CDH17: variants seen among roughly 807,000 people sequenced by gnomAD.
The protein encoded by CDH17 is cadherin 17.
A neutral mutation model predicts 86.3 loss-of-function variants in CDH17; 67 were observed. The ratio of observed to expected loss-of-function variants is 0.78; its 90% CI spans 0.64 to 0.95. The LOEUF (loss-of-function observed/expected upper bound fraction) is 0.95, where lower values mean the gene tolerates loss of function less well. Among genes scored for constraint, CDH17 ranks in the 40% least tolerant of loss-of-function variants. CDH17 has a pLI of 0.00. For missense variants in CDH17, 993 were observed against 1,017.6 expected (o/e 0.98, Z 0.33); for synonymous variants, 367 against 366.4 (o/e 1.00, Z -0.02).
chr8:94,183,110 T>C (rs1813513378), intron 3 of CDH17, among the ~76,000 whole-genome samples: 1 of 152,058 alleles, frequency 6.6e-6, no homozygotes, highest in Non-Finnish European at 1.5e-5. Context: ...TTAAACAAGT[T>C]CTAAATAAAT....
At chr8:94,165,463 G>A (rs886903082) in intron 10 of CDH17, among the ~76,000 whole-genome samples, 3 of 152,018 alleles carry the variant, frequency 2.0e-5, no homozygotes, top group African/African-American at 7.2e-5. Context: ...AGCCTTCTTT[G>A]TGCCCTTCCG....
At chr8:94,176,484 C>T in intron 5 of CDH17, 57 bp downstream of exon 5, 2 of 1,592,074 alleles carry the variant, frequency 1.3e-6, no homozygotes, top group East Asian at 4.5e-5. Context: ...CAAGTCTGCC[C>T]CTTCCACCTG....
chr8:94,196,785 A>G (rs1813793315), intron 1 of CDH17, among the ~76,000 whole-genome samples: 1 of 152,202 alleles, frequency 6.6e-6, no homozygotes, highest in African/African-American at 2.4e-5. Flanking sequence ...CAGCTCGGCC[A>G]ATAGGAAAAG....
chr8:94,204,801 C>T (rs920493526), intron 1 of CDH17, among the ~76,000 whole-genome samples: 6 of 152,134 alleles, frequency 3.9e-5, no homozygotes, highest in African/African-American at 1.4e-4. Flanking sequence ...AGGGAAGGAT[C>T]AGCTGGGGAG....
chr8:94,135,884 A>G (rs1051705732), intron 15 of CDH17, among the ~76,000 whole-genome samples: 1 of 152,158 alleles, frequency 6.6e-6, no homozygotes, highest in Non-Finnish European at 1.5e-5. Context: ...GCTTGTCTGT[A>G]AAGGATTTTA....
chr8:94,177,787 A>G, intron 3 of CDH17, 66 bp from the exon 4 acceptor site: 1 of 1,519,830 alleles, frequency 6.6e-7, no homozygotes. Context: ...ATTTGTAGAA[A>G]GTCACCAATT....
chr8:94,191,717 G>A (rs1201475190), intron 2 of CDH17, among the ~76,000 whole-genome samples: 2 of 152,140 alleles, frequency 1.3e-5, no homozygotes, highest in African/African-American at 4.8e-5. Context: ...GCCTCCCAAA[G>A]TGCTGGGATT....
At chr8:94,149,122 A>T (rs2340026) in intron 13 of CDH17, among the ~76,000 whole-genome samples, 1 of 152,058 alleles carries the variant, frequency 6.6e-6, no homozygotes, top group Non-Finnish European at 1.5e-5. Context: ...GGATTTGTTC[A>T]TCCTTACAAT....
At chr8:94,170,603 G>T in intron 8 of CDH17, 56 bp from the exon 9 acceptor site, 1 of 1,559,272 alleles carries the variant, frequency 6.4e-7, no homozygotes. Context: ...TCTGTCAAAA[G>T]CAGAGAAAAT....
At chr8:94,162,660 G>A (rs1813078406) in intron 10 of CDH17, among the ~76,000 whole-genome samples, 1 of 152,142 alleles carries the variant, frequency 6.6e-6, no homozygotes, top group Non-Finnish European at 1.5e-5. Context: ...CTAAATAAGG[G>A]AGGAACTACC....
intron 1 of CDH17, among the ~76,000 whole-genome samples, chr8:94,216,847 G>A (rs944182463): frequency 1.3e-5 from 2 of 152,150 alleles, no homozygotes; most frequent in African/African-American, 4.8e-5. Context: ...AACGCTGGCC[G>A]CATAGAGCCA....
chr8:94,145,803 G>T, intron 15 of CDH17, 125 bp downstream of exon 15: 1 of 1,084,494 alleles, frequency 9.2e-7, no homozygotes, highest in Non-Finnish European at 1.3e-6. Context: ...AGCTTCCAAA[G>T]CATGAACTTC....
rs143411318 is a variant in CDH17, at chr8:94,152,047, T to C, written c.1617A>G (p.Leu539=). The stretch of plus-strand genomic sequence containing the variant: ...TTGCATTGTACTTCACACCAAACAC[T>C]AGAGGCTCAGGATTTTCTGCTTTGA... ...IVFKAENPEP[L]VFGVKYNASS... is the part of the protein sequence containing the mutation. The change falls in exon 13 of 18, where the codon CTA becomes CTG. Residue 539 remains leucine, a synonymous_variant. Coordinates refer to ENST00000027335, the MANE Select transcript of CDH17 (RefSeq NM_004063.4). 482 of 1,614,160 alleles carry C rather than the reference T, an allele frequency of 3.0e-4. No homozygotes were observed. The highest frequency in any genetic ancestry group is 1.8e-5 in the Non-Finnish European group (21 of 1,180,006).
chr8:94,177,105 C>T (rs1813389062), intron 4 of CDH17, among the ~76,000 whole-genome samples: 1 of 152,130 alleles, frequency 6.6e-6, no homozygotes, highest in African/African-American at 2.4e-5. Context: ...TATTCAGATA[C>T]CAACGGTGAA....
At chr8:94,147,838 T>C (rs770693389) in intron 14 of CDH17, among the ~76,000 whole-genome samples, 1 of 152,208 alleles carries the variant, frequency 6.6e-6, no homozygotes, top group Non-Finnish European at 1.5e-5. Context: ...TCCTGGGCTT[T>C]TCTGTCTTTC....
chr8:94,161,221 A>G (rs1440498930), intron 11 of CDH17, among the ~76,000 whole-genome samples: 2 of 152,202 alleles, frequency 1.3e-5, no homozygotes, highest in Non-Finnish European at 2.9e-5. Flanking sequence ...ATGGAGGCTG[A>G]GAAGAAATGG....
chr8:94,157,897 G>A (rs1812975980), intron 12 of CDH17, among the ~76,000 whole-genome samples: 2 of 152,178 alleles, frequency 1.3e-5, no homozygotes, highest in South Asian at 2.1e-4. Flanking sequence ...CTCAAAAAAA[G>A]ATGTGCTGTT....
At position 94,159,979 on chromosome 8, in the gene CDH17, T is replaced by C. The variant is rs1056180005; in HGVS notation, c.1543A>G (p.Ile515Val). 1 of 1,602,206 alleles carries C rather than the reference T, an allele frequency of 6.2e-7. No homozygotes were observed. The highest frequency in any genetic ancestry group is 1.3e-5 in the African/African-American group (1 of 74,248). ...DPHTNTGYVIIKKPLDFETAA... is the reference protein window; with the variant it reads ...DPHTNTGYVIVKKPLDFETAA... ...ATAAATGGGCTATTTACCTTTTTAATTATGACATATCCGGTGTTGGTATGG... is the reference window on the plus strand; with the variant it reads ...ATAAATGGGCTATTTACCTTTTTAACTATGACATATCCGGTGTTGGTATGG... The change falls in exon 12 of 18, where the codon ATT becomes GTT. Residue 515 changes from isoleucine (I) to valine (V), a missense_variant. Transcript: ENST00000027335.
intron 4 of CDH17, among the ~76,000 whole-genome samples, chr8:94,177,140 C>A (rs745628022): frequency 1.3e-5 from 2 of 152,160 alleles, no homozygotes; most frequent in Non-Finnish European, 2.9e-5. Context: ...GAGAGGGAGA[C>A]GGGTCTTTTT....
Sources: gnomAD v4.1 joint callset for allele counts (sites outside exome capture counted in the v4.1 genomes callset) on GRCh38, gnomAD v4.1.1 for gene constraint, MANE v1.5 for transcripts, NCBI Gene and HGNC (gene_info 2026-07-23, HGNC 2026-07-21) for gene names.